PDE4D: variants seen among roughly 807,000 people sequenced by gnomAD.
PDE4D encodes phosphodiesterase 4D.
Under a neutral mutation model 87.4 loss-of-function variants are expected in PDE4D, and 24 were observed. The ratio of observed to expected loss-of-function variants is 0.27; its 90% CI spans 0.20 to 0.39. PDE4D has a LOEUF of 0.39. Among genes scored for constraint, PDE4D ranks in the 10% least tolerant of loss-of-function variants. The pLI, the probability that PDE4D is intolerant of heterozygous loss-of-function variation, is 1.00. For missense variants in PDE4D, 714 were observed against 1,041.0 expected, an observed-to-expected ratio of 0.69 and a Z score of 4.32; for synonymous variants, 384 against 383.2, an observed-to-expected ratio of 1.00 and a Z score of -0.02.
chr5:59,520,774 A>G (rs551749354), intron 1 of PDE4D, among the ~76,000 whole-genome samples: 1 of 152,318 alleles, frequency 6.6e-6, no homozygotes, highest in South Asian at 2.1e-4. Context: ...TCAACTATCA[A>G]TTCACTGAAT....
chr5:60,437,493 T>C (rs188083487), intron 1 of PDE4D, among the ~76,000 whole-genome samples: 115 of 152,238 alleles, frequency 7.6e-4, no homozygotes, highest in African/African-American at 2.5e-3. Context: ...TGTGGTTTCA[T>C]TGAAAGTTAG....
intron 1 of PDE4D, among the ~76,000 whole-genome samples, chr5:60,499,838 G>A (rs1725311588): frequency 6.6e-6 from 1 of 152,142 alleles, no homozygotes; most frequent in African/African-American, 2.4e-5. Context: ...AATGCTTATG[G>A]TATATTTCTC....
rs575258889 is a variant in PDE4D at position 59,481,352 on chromosome 5, G to A, written c.456-265384C>T. 1.5e-4 allele frequency among the ~76,000 whole-genome samples: 23 copies of A among 151,242 alleles called. No homozygotes were observed. The South Asian group carries it at 4.8e-3, about 31-fold the overall frequency. On this transcript the variant is annotated intron_variant, in intron 1 of 14. Transcript: ENST00000340635. ...GGCAGTTAAACTTTTTAATAGACTGGGGAGTAATACAATGTAGTCCAAAAA... is the reference window on the plus strand; with the variant it reads ...GGCAGTTAAACTTTTTAATAGACTGAGGAGTAATACAATGTAGTCCAAAAA...
At chr5:60,172,977 A>T (rs1022761957) in intron 2 of PDE4D, among the ~76,000 whole-genome samples, 12 of 152,162 alleles carry the variant, frequency 7.9e-5, no homozygotes, top group African/African-American at 2.9e-4. Context: ...ATGTCTTCCT[A>T]AACAAAAAAT....
At chr5:59,618,108 C>T (rs887099472) in intron 1 of PDE4D, among the ~76,000 whole-genome samples, 5 of 152,002 alleles carry the variant, frequency 3.3e-5, no homozygotes, top group African/African-American at 1.2e-4. Context: ...TCTTCGATGC[C>T]TAAAAGTTTC....
At chr5:60,337,400 C>G (rs1255573657) in intron 1 of PDE4D, among the ~76,000 whole-genome samples, 1 of 136,784 alleles carries the variant, frequency 7.3e-6, no homozygotes, top group Non-Finnish European at 1.6e-5. Flanking sequence ...CACACACACA[C>G]ACACACATAT....
At chr5:59,890,979 A>G (rs1266881357) in intron 1 of PDE4D, among the ~76,000 whole-genome samples, 1 of 152,204 alleles carries the variant, frequency 6.6e-6, no homozygotes, top group Non-Finnish European at 1.5e-5. Flanking sequence ...TGCAAAAGCA[A>G]CTCTATTAAG....
At chr5:59,299,742 T>G (rs984607541) in intron 1 of PDE4D, among the ~76,000 whole-genome samples, 1 of 152,156 alleles carries the variant, frequency 6.6e-6, no homozygotes, top group African/African-American at 2.4e-5. Context: ...GTCATTTGCC[T>G]TTTTTCATCT....
intron 1 of PDE4D, among the ~76,000 whole-genome samples, chr5:59,773,479 A>G (rs79050426): frequency 0.023 from 3,437 of 152,242 alleles, 105 homozygotes; most frequent in African/African-American, 0.068. Context: ...CTCAGCATAT[A>G]CACTGAGTCA....
intron 1 of PDE4D, among the ~76,000 whole-genome samples, chr5:60,468,139 T>TTTTTTTTA: frequency 6.9e-6 from 1 of 145,444 alleles, no homozygotes; most frequent in South Asian, 2.2e-4. Context: ...TCTTTTTTCT[T>TTTTTTTTA]TTTTTTTTGT....
chr5:60,412,348 G>A (rs930356339), intron 1 of PDE4D, among the ~76,000 whole-genome samples: 1 of 152,180 alleles, frequency 6.6e-6, no homozygotes, highest in Non-Finnish European at 1.5e-5. Flanking sequence ...TCACTTGAAA[G>A]AGCAATCCAG....
At chr5:60,088,788 C>T (rs1185838343) in intron 2 of PDE4D, among the ~76,000 whole-genome samples, 1 of 151,804 alleles carries the variant, frequency 6.6e-6, no homozygotes, top group Non-Finnish European at 1.5e-5. Flanking sequence ...AAACAAGTAA[C>T]AAGATAGCAA....
chr5:60,478,329 A>G (rs1748478166), intron 1 of PDE4D, among the ~76,000 whole-genome samples: 3 of 152,180 alleles, frequency 2.0e-5, no homozygotes, highest in African/African-American at 4.8e-5. Context: ...TTTTTTTACA[A>G]GTATAAATAA....
chr5:59,415,355 C>T (rs143401801), intron 1 of PDE4D, among the ~76,000 whole-genome samples: 2 of 152,142 alleles, frequency 1.3e-5, no homozygotes, highest in African/African-American at 4.8e-5. Context: ...AAAACTTGCC[C>T]AGGTTGGCAA....
chr5:60,398,125 A>G (rs983508700), intron 1 of PDE4D, among the ~76,000 whole-genome samples: 1 of 152,046 alleles, frequency 6.6e-6, no homozygotes, highest in African/African-American at 2.4e-5. Flanking sequence ...TGAATGCAAT[A>G]AAAAAAATTG....
At chr5:59,864,302 T>G (rs775233889) in intron 1 of PDE4D, among the ~76,000 whole-genome samples, 14 of 152,198 alleles carry the variant, frequency 9.2e-5, no homozygotes, top group Non-Finnish European at 2.1e-4. Flanking sequence ...CCCACACAAG[T>G]TCAAAAATAT....
chr5:59,424,931 TTGC>T (rs1794988347), intron 1 of PDE4D, among the ~76,000 whole-genome samples: 1 of 152,308 alleles, frequency 6.6e-6, no homozygotes, highest in African/African-American at 2.4e-5. Context: ...ATGTGTAATT[TTGC>T]CTAGTATTTT....
chr5:59,460,064 GAAAAAATAC>G (rs1800528983), intron 1 of PDE4D, among the ~76,000 whole-genome samples: 1 of 151,400 alleles, frequency 6.6e-6, no homozygotes, highest in Non-Finnish European at 1.5e-5. Flanking sequence ...TGTCCATATG[GAAAAAATAC>G]AGAAAATAGA....
intron 2 of PDE4D, among the ~76,000 whole-genome samples, chr5:60,125,648 T>C (rs1436250467): frequency 6.6e-6 from 1 of 152,146 alleles, no homozygotes; most frequent in Non-Finnish European, 1.5e-5. Flanking sequence ...GATAGATAGA[T>C]AATTATTTAT....
Sources: gnomAD v4.1 joint callset for allele counts (sites outside exome capture counted in the v4.1 genomes callset) on GRCh38, gnomAD v4.1.1 for gene constraint, MANE v1.5 for transcripts, NCBI Gene and HGNC (gene_info 2026-07-23, HGNC 2026-07-21) for gene names.